Variants in JHY observed in about 807,000 individuals in gnomAD.
JHY encodes junctional cadherin complex regulator, also known as jhy protein homolog.
A neutral mutation model predicts 78.0 loss-of-function variants in JHY; 69 were observed. The observed-to-expected ratio is 0.88, with a 90% confidence interval of 0.73 to 1.08. The LOEUF is 1.08. JHY is among the 50% of genes least tolerant of loss of function. The pLI is 0.00. For synonymous variants in JHY, 368 were observed against 342.6 expected, an observed-to-expected ratio of 1.07 and a Z score of -0.82; for missense variants, 944 against 927.8, an observed-to-expected ratio of 1.02 and a Z score of -0.23.
chr11:122,901,528 T>C (rs1862858711), intron 2 of JHY, among the ~76,000 whole-genome samples: 1 of 152,202 alleles, frequency 6.6e-6, no homozygotes, highest in Admixed American at 6.5e-5. Context: ...ATTGTACAGC[T>C]GTATAAAAAT....
intron 4 of JHY, chr11:122,927,132 A>C (rs1863524830): frequency 6.6e-6 from 1 of 152,214 alleles, no homozygotes; most frequent in Non-Finnish European, 1.5e-5. Context: ...GATGACTTGA[A>C]ATATAGTCGG....
chr11:122,928,567 ACAAG>A (rs1953102535), intron 4 of JHY, among the ~76,000 whole-genome samples: 2 of 151,142 alleles, frequency 1.3e-5, no homozygotes, highest in African/African-American at 4.8e-5. Flanking sequence ...AAAAAAAAAA[ACAAG>A]CAAACAAACA....
chr11:122,925,786 G>A (rs1453306900), intron 4 of JHY, among the ~76,000 whole-genome samples: 1 of 152,042 alleles, frequency 6.6e-6, no homozygotes, highest in Admixed American at 6.5e-5. Context: ...GGGAGGCCGA[G>A]GTGGGTGAAT....
chr11:122,913,417 T>C (rs1284081546), intron 3 of JHY, among the ~76,000 whole-genome samples: 1 of 152,216 alleles, frequency 6.6e-6, no homozygotes, highest in African/African-American at 2.4e-5. Flanking sequence ...TGTGACGCCA[T>C]GTTACCTTCA....
intron 5 of JHY, among the ~76,000 whole-genome samples, chr11:122,945,129 G>T (rs941224617): frequency 2.6e-5 from 4 of 152,090 alleles, no homozygotes; most frequent in African/African-American, 9.7e-5. Flanking sequence ...GTGTTAGATT[G>T]TCTATTCTAG....
chr11:122,908,059 C>T (rs1207668132), intron 3 of JHY, among the ~76,000 whole-genome samples: 1 of 152,054 alleles, frequency 6.6e-6, no homozygotes, highest in Non-Finnish European at 1.5e-5. Context: ...TATTGATTCC[C>T]TAGATGAACC....
Position 122,934,879 on chromosome 11 carries a change from T to TTTTC in JHY, c.1439_1442dup (p.Tyr482PhefsTer10). 1 of 1,613,970 alleles carries TTTTC rather than the reference T, an allele frequency of 6.2e-7. No homozygotes were observed. The highest frequency in any genetic ancestry group is 1.1e-5 in the South Asian group (1 of 91,076). On this transcript the variant is annotated frameshift_variant, in exon 5 of 9. Coordinates refer to ENST00000227349, the MANE Select transcript of JHY (RefSeq NM_024806.4). LOFTEE classifies it high-confidence loss of function. ...ACACAAAGACCAAGAAGAGAAAAGA[T>TTTTC]TTTCATATCAGCAGCTACACACCCT... is the stretch of plus-strand genomic sequence containing the variant.
intron 5 of JHY, among the ~76,000 whole-genome samples, chr11:122,940,587 G>A (rs944265505): frequency 9.9e-5 from 15 of 152,132 alleles, no homozygotes. Context: ...GCGACTACCA[G>A]ATCTCCCCAT....
intron 3 of JHY, among the ~76,000 whole-genome samples, chr11:122,915,381 A>G (rs1375848425): frequency 6.6e-6 from 1 of 152,258 alleles, no homozygotes; most frequent in Non-Finnish European, 1.5e-5. Flanking sequence ...CTATGCTAGT[A>G]TCAGATAAGG....
At chr11:122,946,912 G>A (rs534821321) in intron 6 of JHY, 120 bp downstream of exon 6, 11 of 1,230,488 alleles carry the variant, frequency 8.9e-6, no homozygotes, top group African/African-American at 4.6e-5. Context: ...ACACTGGGTC[G>A]CCCAGAGTCC....
chr11:122,959,742 C>T lies in JHY; in HGVS notation c.*297C>T, dbSNP rs564733693. 3.7e-6 allele frequency: 1 copy of T among 273,550 alleles called. No individual in the cohort carries two copies. Among genetic ancestry groups the T allele is most frequent in the East Asian group, 8.8e-5 (1 of 11,424 alleles). The allele number at this position is 273,550 out of a possible 1,614,324, so 16.9% of individuals were successfully genotyped here. On this transcript the variant is annotated 3_prime_UTR_variant, in exon 9 of 9. Transcript: ENST00000227349. ...TATTGATCTTTTGATTTCTTCATCTCTACCCCATTCCTTAGCATAATGGAA... is the reference window on the plus strand; with the variant it reads ...TATTGATCTTTTGATTTCTTCATCTTTACCCCATTCCTTAGCATAATGGAA...
chr11:122,944,101 G>T (rs866941322), intron 5 of JHY, among the ~76,000 whole-genome samples: 1 of 152,272 alleles, frequency 6.6e-6, no homozygotes, highest in African/African-American at 2.4e-5. Context: ...GGAGGCTGAG[G>T]TGGGAGGATC....
chr11:122,890,283 G>A (rs1169509252), intron 2 of JHY, among the ~76,000 whole-genome samples: 2 of 152,006 alleles, frequency 1.3e-5, no homozygotes, highest in Admixed American at 1.3e-4. Flanking sequence ...TGCAACCGTG[G>A]TAGATACTAT....
intron 4 of JHY, among the ~76,000 whole-genome samples, chr11:122,927,733 C>CTT (rs113552516): frequency 3.6e-5 from 5 of 140,216 alleles, no homozygotes; most frequent in Admixed American, 7.1e-5. Flanking sequence ...TTTCTTTTTT[C>CTT]TTTTTTTTTT....
Position 122,883,289 on chromosome 11 carries a change from G to T in JHY, c.-90+317G>T, listed in dbSNP as rs1284849317. On this transcript the variant is annotated intron_variant, in intron 1 of 8. Transcript: ENST00000227349. The surrounding 1 kb of genome is among the most constrained non-coding windows in gnomAD (Gnocchi z 4.4). The stretch of plus-strand genomic sequence containing the variant: ...CCAAACGCCCCTTGTGACAGGCCTT[G>T]TTCCTCAGGAACAAGCAAAGGTAGA... Among the ~76,000 whole-genome samples the T allele has an allele frequency of 1.3e-5, 2 of 152,150 alleles. No homozygotes were observed. Among genetic ancestry groups the T allele is most frequent in the Non-Finnish European group, 2.9e-5 (2 of 68,022 alleles).
rs571011607 is a variant in JHY at position 122,901,766 on chromosome 11, G to A, written c.345-2159G>A. On this transcript the variant is annotated intron_variant, in intron 2 of 8. Coordinates refer to ENST00000227349, the MANE Select transcript of JHY (RefSeq NM_024806.4). The stretch of plus-strand genomic sequence containing the variant: ...CAGGTGCCTGTAGTCCCAGCTACTC[G>A]GGAGGCTGAGGCAGGAGAATGGTGT... 1.6e-3 allele frequency among the ~76,000 whole-genome samples: 237 copies of A among 151,842 alleles called. 1 individual carries two copies. Among genetic ancestry groups the A allele is most frequent in the African/African-American group, 5.4e-3 (225 of 41,398 alleles).
intron 7 of JHY, 117 bp from the exon 8 acceptor site, chr11:122,957,246 G>A: frequency 1.7e-6 from 2 of 1,151,012 alleles, no homozygotes; most frequent in Non-Finnish European, 2.3e-6. Flanking sequence ...TGATCCCATT[G>A]CTCCTGTACA....
chr11:122,926,044 C>G (rs1200899324), intron 4 of JHY, among the ~76,000 whole-genome samples: 2 of 148,534 alleles, frequency 1.3e-5, no homozygotes, highest in African/African-American at 2.5e-5. Context: ...AAAGATTAGC[C>G]AGGCATGATG....
At chr11:122,947,834 C>T (rs551078960) in intron 6 of JHY, among the ~76,000 whole-genome samples, 42 of 152,138 alleles carry the variant, frequency 2.8e-4, no homozygotes, top group Non-Finnish European at 5.7e-4. Flanking sequence ...GATGCAGACA[C>T]AGCAGTAGCC....
Sources: allele counts gnomAD v4.1 joint callset (sites outside exome capture counted in the v4.1 genomes callset), GRCh38; gene constraint gnomAD v4.1.1; non-coding constraint Gnocchi (gnomAD v3.1); transcripts MANE v1.5; gene names NCBI Gene and HGNC (gene_info 2026-07-23, HGNC 2026-07-21).